VWA2: variants seen among roughly 807,000 people sequenced by gnomAD.
VWA2 encodes the protein von Willebrand factor A domain-containing protein 2.
VWA2 carries 73 observed loss-of-function variants against 70.4 expected under a neutral mutation model. The ratio of observed to expected loss-of-function variants is 1.04; its 90% CI spans 0.86 to 1.26. The LOEUF (loss-of-function observed/expected upper bound fraction) is 1.26. Among genes scored for constraint, VWA2 ranks in the 50% most tolerant of loss-of-function variants. The pLI is 0.00. For synonymous variants in VWA2, 407 were observed against 423.3 expected (o/e 0.96, Z 0.47); for missense variants, 1,011 against 998.5 (o/e 1.01, Z -0.17).
rs746390207 is a variant in VWA2, at chr10:114,289,441, G to T, written c.2074G>T (p.Ala692Ser). 1 of 1,614,174 alleles carries T rather than the reference G, an allele frequency of 6.2e-7. No individual in the cohort carries two copies. Among genetic ancestry groups the T allele is most frequent in the Non-Finnish European group, 8.5e-7 (1 of 1,180,042 alleles). ...TTCCCTGATCCACGTGGCAGCTTAC[G>T]CCGACCTGCGGTACCACCAGGACGT... ...RDSLIHVAAYADLRYHQDVLI... is the reference protein window; with the variant it reads ...RDSLIHVAAYSDLRYHQDVLI... Residue 692 changes from alanine (A) to serine (S), a missense_variant, in exon 12 of 14, where the codon GCC becomes TCC. Transcript: ENST00000392982.
In VWA2 at chr10:114,282,495, TTC is replaced by T. The variant is rs2038281383; in HGVS notation, c.834-19_834-18del. ...CCTTACACCTCTGATCTGTCTATAA[TTC>T]TGTTTCCTTGGATTGTAGCTGGAAG... On this transcript the variant is annotated intron_variant, in intron 8 of 13. Coordinates refer to ENST00000392982, the MANE Select transcript of VWA2 (RefSeq NM_001272046.2). 2 of 1,610,900 alleles carry T rather than the reference TTC, an allele frequency of 1.2e-6. No homozygotes were observed. Among genetic ancestry groups the T allele is most frequent in the African/African-American group, 1.3e-5 (1 of 74,984 alleles).
rs1400459277 is a variant in VWA2 at position 114,284,879 on chromosome 10, G to T, written c.906G>T (p.Gln302His). Reference protein sequence around the residue: ...RTTCPGPCDSQPCQNGGTCVP... With the variant: ...RTTCPGPCDSHPCQNGGTCVP... ...CTCTGATAGGCCCCTGTGACTCGCAGCCCTGCCAGAATGGAGGCACATGTG... is the reference window on the plus strand; with the variant it reads ...CTCTGATAGGCCCCTGTGACTCGCATCCCTGCCAGAATGGAGGCACATGTG... The change falls in exon 10 of 14, where the codon CAG becomes CAT. Residue 302 changes from glutamine to histidine, a missense_variant. Physicochemically the swap from Gln to His is conservative, Grantham distance 24 (BLOSUM62 0). Transcript: ENST00000392982. 7 of 1,609,356 alleles carry T rather than the reference G, an allele frequency of 4.3e-6. No homozygotes were observed. The highest frequency in any genetic ancestry group is 5.9e-6 in the Non-Finnish European group (7 of 1,178,310).
At chr10:114,263,446 C>T (rs1244363646) in intron 5 of VWA2, among the ~76,000 whole-genome samples, 1 of 150,542 alleles carries the variant, frequency 6.6e-6, no homozygotes, top group Non-Finnish European at 1.5e-5. Flanking sequence ...ACACCATCCT[C>T]CTGCCTCAGC....
At chr10:114,261,352 C>T in intron 5 of VWA2, 57 bp downstream of exon 5, 3 of 1,474,638 alleles carry the variant, frequency 2.0e-6, no homozygotes, top group Non-Finnish European at 2.8e-6. Flanking sequence ...CTTAAAATTG[C>T]TCCCTTGAAG....
chr10:114,278,933 G>T (rs2037922548), intron 8 of VWA2, 82 bp downstream of exon 8: 1 of 1,576,304 alleles, frequency 6.3e-7, no homozygotes, highest in Non-Finnish European at 8.6e-7. Context: ...GTACTTTGGG[G>T]CCCTGCCATG....
Position 114,261,204 on chromosome 10 carries a change from C to T in VWA2, c.280C>T (p.Gln94Ter), listed in dbSNP as rs752116511. The part of the protein sequence containing the change: ...SPERVRVGAF[Q>*]FSSTPHLEFP... Reference sequence around the variant, plus strand: ...ACTGCAGGTCAGAGTGGGAGCATTCCAGTTCAGTTCCACTCCTCATCTGGA... The same window carrying T: ...ACTGCAGGTCAGAGTGGGAGCATTCTAGTTCAGTTCCACTCCTCATCTGGA... Residue 94 changes from glutamine to a stop codon, truncating the protein, a stop_gained, in exon 5 of 14, where the codon CAG becomes TAG. Transcript: ENST00000392982. LOFTEE classifies it high-confidence loss of function. 9.9e-6 allele frequency: 16 copies of T among 1,613,932 alleles called. No individual in the cohort carries two copies. In the East Asian group the frequency reaches 3.3e-4, roughly 34 times the overall value.
At chr10:114,274,301 T>A (rs980452705) in intron 6 of VWA2, among the ~76,000 whole-genome samples, 14 of 152,278 alleles carry the variant, frequency 9.2e-5, no homozygotes, top group African/African-American at 3.4e-4. Flanking sequence ...GGGAATGATA[T>A]CTTCAGAGAA....
At chr10:114,245,154 CTG>C (rs1241588872) in intron 1 of VWA2, among the ~76,000 whole-genome samples, 1 of 152,198 alleles carries the variant, frequency 6.6e-6, no homozygotes, top group East Asian at 1.9e-4. Context: ...ATTTGACATC[CTG>C]TGTGCATTTG....
intron 5 of VWA2, 60 bp downstream of exon 5, chr10:114,261,355 C>A: frequency 7.0e-7 from 1 of 1,435,548 alleles, no homozygotes; most frequent in Non-Finnish European, 9.8e-7. Flanking sequence ...AAAATTGCTC[C>A]CTTGAAGGGT....
chr10:114,246,977 C>T (rs142628466), intron 1 of VWA2, among the ~76,000 whole-genome samples: 306 of 152,288 alleles, frequency 2.0e-3, no homozygotes, highest in African/African-American at 6.9e-3. Context: ...CAAGGTTCCG[C>T]TGCAGCTGCC....
Position 114,286,437 on chromosome 10 carries a change from TCTA to T in VWA2, c.1499_1501del (p.Tyr500del), listed in dbSNP as rs1589818799. ...ACAGGCAGCCCAAAGCATGTGATGGTCTACTCGGATCCTCAGGATCTGTTCAAC... is the reference window on the plus strand; with the variant it reads ...ACAGGCAGCCCAAAGCATGTGATGGTCTCGGATCCTCAGGATCTGTTCAAC... On this transcript the variant is annotated inframe_deletion, in exon 11 of 14. Transcript: ENST00000392982. 1.2e-6 allele frequency: 2 copies of T among 1,612,874 alleles called. No individual in the cohort carries two copies. Among genetic ancestry groups the T allele is most frequent in the East Asian group, 4.5e-5 (2 of 44,866 alleles).
intron 13 of VWA2, among the ~76,000 whole-genome samples, chr10:114,290,723 A>T (rs144926838): frequency 1.2e-5 from 1 of 86,440 alleles, no homozygotes; most frequent in Non-Finnish European, 2.4e-5. Context: ...CAGTAGATCC[A>T]GGGTACAGGG....
In VWA2 at chr10:114,239,584, C is replaced by T. The variant is rs2036938149; in HGVS notation, c.-11+15C>T. On this transcript the variant is annotated intron_variant, in intron 1 of 13. Coordinates refer to ENST00000392982, the MANE Select transcript of VWA2 (RefSeq NM_001272046.2). ...CTCTCCTTCCGGTGAGTCCCAGCCC[C>T]GAGTTGGCTCTGGCGCCCGGGTACC... 6.6e-6 allele frequency: 1 copy of T among 152,288 alleles called. No homozygotes were observed. Among genetic ancestry groups the T allele is most frequent in the Non-Finnish European group, 1.5e-5 (1 of 68,100 alleles). The allele number at this position is 152,288 out of a possible 1,614,324, so 9.4% of individuals were successfully genotyped here.
chr10:114,269,733 C>T (rs2037665208), intron 5 of VWA2, among the ~76,000 whole-genome samples: 1 of 152,198 alleles, frequency 6.6e-6, no homozygotes, highest in Non-Finnish European at 1.5e-5. Context: ...TTTCTTTTCA[C>T]TCCTGAAGCT....
intron 5 of VWA2, among the ~76,000 whole-genome samples, chr10:114,268,855 T>G: frequency 6.6e-6 from 1 of 152,074 alleles, no homozygotes; most frequent in Admixed American, 6.5e-5. Flanking sequence ...CCACCATGCC[T>G]GGCTAATTTT....
At chr10:114,280,331 C>T (rs1399568874) in intron 8 of VWA2, among the ~76,000 whole-genome samples, 1 of 152,206 alleles carries the variant, frequency 6.6e-6, no homozygotes, top group Admixed American at 6.5e-5. Flanking sequence ...AGCTGACGCT[C>T]CAGTAATGGG....
chr10:114,287,309 T>A (rs2039023937), intron 11 of VWA2, among the ~76,000 whole-genome samples: 1 of 152,094 alleles, frequency 6.6e-6, no homozygotes, highest in South Asian at 2.1e-4. Flanking sequence ...GCCTCCAGAA[T>A]AGCCAGGACT....
chr10:114,261,055 G>A, intron 4 of VWA2, 131 bp from the exon 5 acceptor site: 2 of 633,282 alleles, frequency 3.2e-6, no homozygotes, highest in South Asian at 2.1e-5. Context: ...GGAGACTGGA[G>A]AAAGCTCTGG....
intron 1 of VWA2, among the ~76,000 whole-genome samples, chr10:114,247,794 C>G (rs2037104863): frequency 6.6e-6 from 1 of 152,048 alleles, no homozygotes; most frequent in Non-Finnish European, 1.5e-5. Flanking sequence ...CTTCTCTTCA[C>G]TTTGTAAGGG....
Sources: allele counts gnomAD v4.1 joint callset (sites outside exome capture counted in the v4.1 genomes callset), GRCh38; gene constraint gnomAD v4.1.1; transcripts MANE v1.5; gene names NCBI Gene and HGNC (gene_info 2026-07-23, HGNC 2026-07-21).